LPIN1: variants seen among roughly 807,000 people sequenced by gnomAD.
The protein encoded by LPIN1 is phosphatidate phosphatase LPIN1.
In LPIN1, 71 loss-of-function variants were observed where a neutral mutation model predicts 107.5. The ratio of observed to expected loss-of-function variants is 0.66; its 90% CI spans 0.55 to 0.80. The LOEUF is 0.80. Ranked by LOEUF, LPIN1 falls within the 30% of genes least tolerant of loss-of-function variation. The pLI is 0.00. For missense variants in LPIN1, 1,043 were observed against 1,160.6 expected, an observed-to-expected ratio of 0.90 and a Z score of 1.47; for synonymous variants, 445 against 452.6, an observed-to-expected ratio of 0.98 and a Z score of 0.21.
upstream of LPIN1, among the ~76,000 whole-genome samples, chr2:11,744,363 G>T (rs544000427): frequency 6.6e-6 from 1 of 152,358 alleles, no homozygotes; most frequent in East Asian, 1.9e-4. Flanking sequence ...GCTTTGGAAA[G>T]TCCGGTTTCG....
At chr2:11,778,152 G>A (rs1672976624) in intron 6 of LPIN1, among the ~76,000 whole-genome samples, 1 of 152,088 alleles carries the variant, frequency 6.6e-6, no homozygotes, top group African/African-American at 2.4e-5. Context: ...GGGCCCACGT[G>A]CCTTCTTATA....
At position 11,697,098 on chromosome 2, in the gene LPIN1, C is replaced by T. The variant is rs1337054111; in HGVS notation, c.82-16658C>T. Among the ~76,000 whole-genome samples the T allele has an allele frequency of 6.6e-6, 1 of 152,256 alleles. No homozygotes were observed. Among genetic ancestry groups the T allele is most frequent in the African/African-American group, 2.4e-5 (1 of 41,462 alleles). On this transcript the variant is annotated intron_variant, in intron 1 of 21. Coordinates refer to the LPIN1 transcript ENST00000449576. The surrounding 1 kb of genome is among the most constrained non-coding windows in gnomAD (Gnocchi z 4.6). ...AGCCCCAAGCTGTATCTGGTGAGAA[C>T]AGATGCGTAGTCCCGGAGCTCAAGT...
chr2:11,714,729 G>A (rs1343628477), intron 2 of LPIN1, among the ~76,000 whole-genome samples: 1 of 152,190 alleles, frequency 6.6e-6, no homozygotes, highest in Non-Finnish European at 1.5e-5. Flanking sequence ...TGATGACGCT[G>A]GAATGCTTAG....
intron 1 of LPIN1, among the ~76,000 whole-genome samples, chr2:11,747,041 G>T (rs1429651537): frequency 6.6e-6 from 1 of 152,248 alleles, no homozygotes; most frequent in Non-Finnish European, 1.5e-5. Flanking sequence ...GCCAGCGCGG[G>T]TGCGTCCTGG....
Position 11,765,788 on chromosome 2 carries a change from G to A in LPIN1, c.192+55G>A. ...CCGGCTCTCCTTAGAGAATGCCCTT[G>A]TACTCTGGTGATGCCACCTGTCTTG... On this transcript the variant is annotated intron_variant, in intron 2 of 20. Transcript: ENST00000674199. This position sits in a 1 kb window ranked among gnomAD's most constrained non-coding sequence, Gnocchi z 4.4. 6.7e-7 allele frequency: 1 copy of A among 1,494,068 alleles called. No homozygotes were observed. The allele number at this position is 1,494,068 out of a possible 1,614,324, so 92.6% of individuals were successfully genotyped here. A position where few individuals can be genotyped will look rare whatever the true frequency, so the allele number is the denominator to read the frequency against.
At chr2:11,802,330 A>T (rs373738831) in intron 14 of LPIN1, among the ~76,000 whole-genome samples, 1 of 152,198 alleles carries the variant, frequency 6.6e-6, no homozygotes. Context: ...ACTGACCTGT[A>T]TATTCTGAGC....
intron 1 of LPIN1, among the ~76,000 whole-genome samples, chr2:11,728,201 C>T (rs2148542664): frequency 6.6e-6 from 1 of 152,180 alleles, no homozygotes; most frequent in Admixed American, 6.5e-5. Flanking sequence ...TGAGTTTGGA[C>T]CAATGCATAG....
At position 11,781,237 on chromosome 2, in the gene LPIN1, G is replaced by A. The variant is rs192846563; in HGVS notation, c.958-964G>A. Among the ~76,000 whole-genome samples the A allele has an allele frequency of 9.1e-4, 138 of 152,256 alleles. 1 individual carries two copies. Among genetic ancestry groups the A allele is most frequent in the Middle Eastern group, 3.4e-3 (1 of 294 alleles). On this transcript the variant is annotated intron_variant, in intron 7 of 20. Coordinates refer to ENST00000674199, the MANE Select transcript of LPIN1 (RefSeq NM_001349206.2). ...AGTTGTGGATCCATTTCCTCTCTAG[G>A]TTATATTTAGATTTCATAGAAAATG...
In LPIN1 at chr2:11,787,132, C is replaced by G; in HGVS notation, c.1608C>G (p.Ile536Met). Residue 536 changes from isoleucine to methionine, a missense_variant, in exon 11 of 21, where the codon ATC becomes ATG. By Grantham distance (10) the Ile-to-Met change is conservative (BLOSUM62 1). Coordinates refer to ENST00000674199, the MANE Select transcript of LPIN1 (RefSeq NM_001349206.2). ...AGTTTGTGGACAACCCCGCTATTAT[C>G]GATGACCCCAATCTCGTGGTAAAGA... ...YQQFVDNPAI[I>M]DDPNLVVKIG... 1 of 1,614,036 alleles carries G rather than the reference C, an allele frequency of 6.2e-7. No homozygotes were observed. Among genetic ancestry groups the G allele is most frequent in the Non-Finnish European group, 8.5e-7 (1 of 1,179,918 alleles).
chr2:11,703,201 A>G (rs574008789), intron 1 of LPIN1, among the ~76,000 whole-genome samples: 25 of 152,294 alleles, frequency 1.6e-4, no homozygotes, highest in African/African-American at 5.8e-4. Context: ...TTCCAAATGT[A>G]TCTGACCCAC....
intron 14 of LPIN1, among the ~76,000 whole-genome samples, chr2:11,799,058 G>A (rs1201109894): frequency 2.0e-5 from 3 of 152,128 alleles, no homozygotes; most frequent in South Asian, 2.1e-4. Context: ...GGGTGGGGTG[G>A]GGGCCTCCGA....
In LPIN1 at chr2:11,677,721, G is replaced by A; in HGVS notation, c.74G>A (p.Trp25Ter). 6.5e-7 allele frequency: 1 copy of A among 1,535,708 alleles called. No individual in the cohort carries two copies. The highest frequency in any genetic ancestry group is 8.7e-7 in the Non-Finnish European group (1 of 1,146,866). The change falls in exon 1 of 22, where the codon TGG (tryptophan) becomes TAG (stop). Residue 25 changes from tryptophan (W) to a stop codon, truncating the protein, a stop_gained. Transcript: ENST00000449576. LOFTEE classifies it high-confidence loss of function. ...GGCAAGAGCTCCCCAGACTCGGCTT[G>A]GTCATGGGTAAGGGCCGGCCATGTG... is the stretch of plus-strand genomic sequence containing the variant.
intron 13 of LPIN1, 104 bp downstream of exon 13, chr2:11,792,110 A>C: frequency 2.0e-6 from 2 of 976,128 alleles, no homozygotes; most frequent in Admixed American, 4.0e-5. Flanking sequence ...GATAGGCCCT[A>C]GTGCTGAGTT....
intron 1 of LPIN1, among the ~76,000 whole-genome samples, chr2:11,747,361 G>A (rs1667122709): frequency 6.6e-6 from 1 of 152,236 alleles, no homozygotes; most frequent in South Asian, 2.1e-4. Flanking sequence ...GAAAATGCAG[G>A]ATGAGAAGTA....
At chr2:11,757,802 TA>T (rs1345030497) in intron 1 of LPIN1, among the ~76,000 whole-genome samples, 6 of 136,868 alleles carry the variant, frequency 4.4e-5, no homozygotes, top group East Asian at 4.0e-4. Flanking sequence ...CCCCAATTCT[TA>T]AAAAAAAAAA....
chr2:11,700,773 T>C (rs1300460893), intron 1 of LPIN1, among the ~76,000 whole-genome samples: 2 of 152,182 alleles, frequency 1.3e-5, no homozygotes, highest in Non-Finnish European at 2.9e-5. Context: ...AAGGAAGGTA[T>C]AAGTATACAT....
chr2:11,759,495 G>A (rs991003706), intron 1 of LPIN1, among the ~76,000 whole-genome samples: 1 of 152,192 alleles, frequency 6.6e-6, no homozygotes, highest in Non-Finnish European at 1.5e-5. Flanking sequence ...GCACCGGGTT[G>A]GGGGTAAGGT....
intron 7 of LPIN1, 137 bp downstream of exon 7, chr2:11,779,782 C>T (rs1464138480): frequency 7.0e-6 from 7 of 1,002,128 alleles, no homozygotes; most frequent in Non-Finnish European, 1.1e-5. Context: ...AAGGGTTAGC[C>T]TTGAATGTTG....
At position 11,772,809 on chromosome 2, in the gene LPIN1, A is replaced by G. The variant is rs565004478; in HGVS notation, c.597-811A>G. On this transcript the variant is annotated intron_variant, in intron 4 of 20. Coordinates refer to ENST00000674199, the MANE Select transcript of LPIN1 (RefSeq NM_001349206.2). ...TAATTTTTGATAATTTTGTTAACAT[A>G]AAGAAGGGATAAGGGGAATCAGGAG... Among the ~76,000 whole-genome samples the G allele has an allele frequency of 2.6e-5, 4 of 152,352 alleles. No homozygotes were observed. The East Asian group carries it at 7.7e-4, about 29-fold the overall frequency.
Sources: gnomAD v4.1 joint callset for allele counts (sites outside exome capture counted in the v4.1 genomes callset) on GRCh38, gnomAD v4.1.1 for gene constraint, Gnocchi (gnomAD v3.1) non-coding constraint, MANE v1.5 for transcripts, NCBI Gene and HGNC (gene_info 2026-07-23, HGNC 2026-07-21) for gene names.